Variants in NIBAN2 observed in about 807,000 individuals in gnomAD.
NIBAN2 encodes the protein protein Niban 2.
NIBAN2 carries 36 observed loss-of-function variants against 81.8 expected under a neutral mutation model. That is an observed-to-expected ratio of 0.44 (90% confidence interval 0.34 to 0.58). The LOEUF (loss-of-function observed/expected upper bound fraction) is 0.58, where lower values mean the gene tolerates loss of function less well. NIBAN2 is among the 20% of genes least tolerant of loss of function. The pLI is 0.02. For missense variants in NIBAN2, 897 were observed against 1,014.1 expected (o/e 0.88, Z 1.57); for synonymous variants, 445 against 441.6 (o/e 1.01, Z -0.10).
intron 1 of NIBAN2, among the ~76,000 whole-genome samples, chr9:127,557,527 C>G (rs1292065533): frequency 6.6e-6 from 1 of 152,194 alleles, no homozygotes; most frequent in Non-Finnish European, 1.5e-5. Context: ...CTGCCAGGCT[C>G]CACCCGGGGG....
chr9:127,566,447 A>G (rs555240402), intron 1 of NIBAN2, among the ~76,000 whole-genome samples: 1 of 152,240 alleles, frequency 6.6e-6, no homozygotes, highest in African/African-American at 2.4e-5. Flanking sequence ...TGGTGTGGAA[A>G]CAAGCCTCTG....
chr9:127,508,001 A>T lies in NIBAN2; in HGVS notation c.1543-23T>A, dbSNP rs761991205. 20 of 1,613,496 alleles carry T rather than the reference A, an allele frequency of 1.2e-5. No individual in the cohort carries two copies. The South Asian group carries it at 1.6e-4, about 13-fold the overall frequency. ...CTCCTGCCCGGGTGGGGCGGCAGAGATGAGAGGTCAGGGCCAAGGGTAGAG... is the reference window on the plus strand; with the variant it reads ...CTCCTGCCCGGGTGGGGCGGCAGAGTTGAGAGGTCAGGGCCAAGGGTAGAG... On this transcript the variant is annotated intron_variant, in intron 12 of 13. Transcript: ENST00000373312. The surrounding 1 kb of genome is among the most constrained non-coding windows in gnomAD (Gnocchi z 6.4).
At chr9:127,512,287 A>ATT (rs3053049) in intron 8 of NIBAN2, among the ~76,000 whole-genome samples, 75,307 of 140,078 alleles carry the variant, frequency 0.54, 21,442 homozygotes, top group Non-Finnish European at 0.64. Flanking sequence ...TTCATTTTAC[A>ATT]TTTTTTTTTT....
intron 1 of NIBAN2, among the ~76,000 whole-genome samples, chr9:127,565,019 T>C (rs1837835018): frequency 6.6e-6 from 1 of 152,162 alleles, no homozygotes; most frequent in African/African-American, 2.4e-5. Context: ...CATGTTTTAT[T>C]TTACCCTCCT....
chr9:127,542,087 G>A (rs761110861), intron 1 of NIBAN2, among the ~76,000 whole-genome samples: 3 of 152,132 alleles, frequency 2.0e-5, no homozygotes, highest in Non-Finnish European at 4.4e-5. Context: ...CCACACACAG[G>A]GGCCACAGGG....
chr9:127,564,105 CA>C (rs1319483956), intron 1 of NIBAN2, among the ~76,000 whole-genome samples: 1 of 151,898 alleles, frequency 6.6e-6, no homozygotes, highest in Non-Finnish European at 1.5e-5. Flanking sequence ...CCAACTTGAC[CA>C]ATATGGTAAA....
rs540861758 is a variant in NIBAN2, at chr9:127,545,010, T to G, written c.56-13232A>C. Among the ~76,000 whole-genome samples the G allele has an allele frequency of 1.6e-4, 25 of 152,286 alleles. No homozygotes were observed. Among genetic ancestry groups the G allele is most frequent in the African/African-American group, 5.8e-4 (24 of 41,554 alleles). On this transcript the variant is annotated intron_variant, in intron 1 of 13. Coordinates refer to ENST00000373312, the MANE Select transcript of NIBAN2 (RefSeq NM_022833.4). This position sits in a 1 kb window ranked among gnomAD's most constrained non-coding sequence, Gnocchi z 4.7. Reference sequence around the variant, plus strand: ...CCAGGGTCCCATTGCCCTGTTAGTGTCCCAGCTCCTCTGAGACCATCTTGG... The same window carrying G: ...CCAGGGTCCCATTGCCCTGTTAGTGGCCCAGCTCCTCTGAGACCATCTTGG...
upstream of NIBAN2, among the ~76,000 whole-genome samples, chr9:127,570,399 G>A (rs1455519588): frequency 5.9e-5 from 9 of 152,174 alleles, no homozygotes; most frequent in Non-Finnish European, 1.3e-4. Flanking sequence ...AGAGAAGGAA[G>A]CCCAAGCTGC....
chr9:127,538,419 C>T (rs759602869), intron 1 of NIBAN2, among the ~76,000 whole-genome samples: 5 of 152,224 alleles, frequency 3.3e-5, no homozygotes, highest in Admixed American at 6.5e-5. Context: ...CTAAACACAG[C>T]GGCTGCCACC....
intron 1 of NIBAN2, among the ~76,000 whole-genome samples, chr9:127,567,318 G>A (rs2132241447): frequency 6.6e-6 from 1 of 152,344 alleles, no homozygotes; most frequent in South Asian, 2.1e-4. Context: ...GCGACAGGGA[G>A]GGGACAGGAA....
chr9:127,507,567 G>T lies in NIBAN2; in HGVS notation c.1655-136C>A. The T allele has an allele frequency of 1.2e-6, 1 of 809,132 alleles. No individual in the cohort carries two copies. Among genetic ancestry groups the T allele is most frequent in the Non-Finnish European group, 1.9e-6 (1 of 523,218 alleles). The allele number at this position is 809,132 out of a possible 1,614,324, so 50.1% of individuals were successfully genotyped here. ...TGGGATGTGACTCATTCCAGGCCTC[G>T]TTGCTGAAAGCAGCAAGGCCGTGAT... On this transcript the variant is annotated intron_variant, in intron 13 of 13. Transcript: ENST00000373312. The surrounding 1 kb of genome is among the most constrained non-coding windows in gnomAD (Gnocchi z 6.8).
At chr9:127,579,000 C>T (rs959977329), upstream of NIBAN2, 29 of 1,459,782 alleles carry the variant, frequency 2.0e-5, no homozygotes, top group South Asian at 3.5e-5. Context: ...ACTCCTAGCA[C>T]GTCCTTGAGA....
intron 1 of NIBAN2, among the ~76,000 whole-genome samples, chr9:127,547,954 G>A (rs1564313541): frequency 6.6e-6 from 1 of 152,342 alleles, no homozygotes; most frequent in East Asian, 1.9e-4. Context: ...ATGTGGGCTG[G>A]TGTTATCAAT....
At chr9:127,531,924 A>G in intron 1 of NIBAN2, 146 bp from the exon 2 acceptor site, 1 of 1,129,002 alleles carries the variant, frequency 8.9e-7, no homozygotes, top group Non-Finnish European at 1.2e-6. Context: ...TCTGCGCTGC[A>G]TTTCTGGCCA....
In NIBAN2 at chr9:127,536,922, AC is replaced by A. The variant is rs2132198113; in HGVS notation, c.56-5145del. 6.6e-6 allele frequency among the ~76,000 whole-genome samples: 1 copy of A among 152,298 alleles called. No individual in the cohort carries two copies. Among genetic ancestry groups the A allele is most frequent in the East Asian group, 1.9e-4 (1 of 5,174 alleles). On this transcript the variant is annotated intron_variant, in intron 1 of 13. Transcript: ENST00000373312. This position sits in a 1 kb window ranked among gnomAD's most constrained non-coding sequence, Gnocchi z 4.0. ...TGGCCCGCAGGTCCTGGGCCCAGGA[AC>A]TGGGGGGCTCCAGCTGGTGGTAGAA...
intron 1 of NIBAN2, among the ~76,000 whole-genome samples, chr9:127,542,818 A>AT (rs1302304904): frequency 6.6e-6 from 1 of 152,134 alleles, no homozygotes; most frequent in Non-Finnish European, 1.5e-5. Context: ...TGCCTCCCAG[A>AT]TTCAAGCAAT....
chr9:127,547,564 A>G (rs10115995), intron 1 of NIBAN2, among the ~76,000 whole-genome samples: 64,322 of 148,916 alleles, frequency 0.43, 14,343 homozygotes, highest in East Asian at 0.79. Context: ...ACCACCGGGC[A>G]CGGTGGCTCA....
At position 127,517,758 on chromosome 9, in the gene NIBAN2, C is replaced by A; in HGVS notation, c.705+68G>T. ...CCAGAGCCCCATCTCTGTACCCCACCCCCTGCCCTCCCCTGCTGGGTCCTT... is the reference window on the plus strand; with the variant it reads ...CCAGAGCCCCATCTCTGTACCCCACACCCTGCCCTCCCCTGCTGGGTCCTT... On this transcript the variant is annotated intron_variant, in intron 6 of 13. Coordinates refer to ENST00000373312, the MANE Select transcript of NIBAN2 (RefSeq NM_022833.4). The surrounding 1 kb of genome is among the most constrained non-coding windows in gnomAD (Gnocchi z 4.0). 1 of 1,196,068 alleles carries A rather than the reference C, an allele frequency of 8.4e-7. No homozygotes were observed. Among genetic ancestry groups the A allele is most frequent in the East Asian group, 2.5e-5 (1 of 40,630 alleles). The allele number at this position is 1,196,068 out of a possible 1,614,324, so 74.1% of individuals were successfully genotyped here.
chr9:127,523,680 A>G lies in NIBAN2; in HGVS notation c.588T>C (p.Asn196=). 2.5e-6 allele frequency: 4 copies of G among 1,608,850 alleles called. No homozygotes were observed. Among genetic ancestry groups the G allele is most frequent in the Non-Finnish European group, 3.4e-6 (4 of 1,176,004 alleles). The change falls in exon 5 of 14, where the codon AAT becomes AAC. Residue 196 remains asparagine (N), a splice_region_variant and synonymous_variant. Coordinates refer to ENST00000373312, the MANE Select transcript of NIBAN2 (RefSeq NM_022833.4). ...VLQDCIRHCN[N]GIPEDSKVEG... Reference sequence around the variant, plus strand: ...ACCCTGCACCCACAGGCCACTCACCATTGTTGCAGTGCCGGATGCAGTCCT... The same window carrying G: ...ACCCTGCACCCACAGGCCACTCACCGTTGTTGCAGTGCCGGATGCAGTCCT...
Sources: allele counts gnomAD v4.1 joint callset (sites outside exome capture counted in the v4.1 genomes callset), GRCh38; gene constraint gnomAD v4.1.1; non-coding constraint Gnocchi (gnomAD v3.1); transcripts MANE v1.5; gene names NCBI Gene and HGNC (gene_info 2026-07-23, HGNC 2026-07-21).